The following ACACA variants were observed in gnomAD, a reference collection of about 807,000 sequenced individuals.
ACACA encodes acetyl-CoA carboxylase 1.
Under a neutral mutation model 296.1 loss-of-function variants are expected in ACACA, and 103 were observed. The ratio of observed to expected loss-of-function variants is 0.35; its 90% confidence interval spans 0.30 to 0.41. The LOEUF is 0.41. Ranked by LOEUF, ACACA falls within the 10% of genes least tolerant of loss-of-function variation. ACACA has a pLI of 1.00. For synonymous variants in ACACA, 953 were observed against 1,038.6 expected, an observed-to-expected ratio of 0.92 and a Z score of 1.58; for missense variants, 1,554 against 2,989.7, an observed-to-expected ratio of 0.52 and a Z score of 11.20.
intron 52 of ACACA, among the ~76,000 whole-genome samples, chr17:37,108,122 A>G (rs2073789778): frequency 6.6e-6 from 1 of 152,222 alleles, no homozygotes; most frequent in African/African-American, 2.4e-5. Flanking sequence ...TGATTCAGCA[A>G]TGCAAGACTC....
At chr17:37,373,655 G>A (rs1402845500) in intron 1 of ACACA, among the ~76,000 whole-genome samples, 1 of 152,164 alleles carries the variant, frequency 6.6e-6, no homozygotes, top group African/African-American at 2.4e-5. Context: ...TCTCTTTTGG[G>A]AAAAGTGAGC....
At chr17:37,192,508 T>C (rs531703299) in intron 36 of ACACA, among the ~76,000 whole-genome samples, 1 of 152,318 alleles carries the variant, frequency 6.6e-6, no homozygotes, top group South Asian at 2.1e-4. Context: ...AGGTACTTTA[T>C]AGGATGATAT....
chr17:37,161,801 C>A lies in ACACA; in HGVS notation c.5329G>T (p.Asp1777Tyr). The A allele has an allele frequency of 6.2e-7, 1 of 1,612,552 alleles. No individual in the cohort carries two copies. The highest frequency in any genetic ancestry group is 8.5e-7 in the Non-Finnish European group (1 of 1,179,990). The change falls in exon 42 of 56, where the codon GAT (aspartate) becomes TAT (tyrosine). Residue 1777 changes from aspartate (D) to tyrosine (Y), a missense_variant. Asp to Tyr is a radical substitution (Grantham distance 160). Around this residue, in one of 16 missense-constraint regions of ACACA, gnomAD observed 553 missense variants for 1,043.6 expected, o/e 0.53. Transcript: ENST00000616317. The stretch of plus-strand genomic sequence containing the variant: ...TGTACCTTGTAAGGATCCTCAGGAT[C>A]TACCCAGGCCACATGAAACATATGG... ...IRHMFHVAWV[D>Y]PEDPYKGYRY...
chr17:37,099,536 GC>G (rs1195800087), intron 52 of ACACA, among the ~76,000 whole-genome samples: 1,975 of 148,062 alleles, frequency 0.013, 60 homozygotes, highest in Admixed American at 0.017. Flanking sequence ...TGGGAGGAGG[GC>G]TGATGGCGGG....
intron 3 of ACACA, among the ~76,000 whole-genome samples, chr17:37,315,523 T>A (rs975067055): frequency 1.3e-5 from 2 of 152,204 alleles, no homozygotes; most frequent in African/African-American, 4.8e-5. Context: ...CTACTTCAGA[T>A]ACCAGTTGCA....
At chr17:37,096,969 A>G (rs764504193) in intron 54 of ACACA, 27 bp downstream of exon 54, 2 of 1,613,904 alleles carry the variant, frequency 1.2e-6, no homozygotes, top group South Asian at 1.1e-5. Context: ...CTCAGCAAAA[A>G]GGCTTCTCTT....
At chr17:37,306,978 G>C (rs192916030) in intron 3 of ACACA, among the ~76,000 whole-genome samples, 1 of 152,050 alleles carries the variant, frequency 6.6e-6, no homozygotes, top group Admixed American at 6.5e-5. Flanking sequence ...GATTACAGGC[G>C]TGAGCCACCA....
Position 37,179,385 on chromosome 17 carries a change from A to G in ACACA, c.4954T>C (p.Ser1652Pro), listed in dbSNP as rs748449835. ...GGAAGAAATGCTTGAGTGGACATAG[A>G]CTCCCAGAGTTTGATCAGGGACTAG... ...FRQSLIKLWE[S>P]MSTQAFLPSP... Residue 1652 changes from serine to proline, a missense_variant, in exon 41 of 56, where the codon TCT becomes CCT. Physicochemically the swap from Ser to Pro is moderately conservative, Grantham distance 74. Transcript: ENST00000616317. 6.2e-7 allele frequency: 1 copy of G among 1,614,050 alleles called. No homozygotes were observed. The highest frequency in any genetic ancestry group is 8.5e-7 in the Non-Finnish European group (1 of 1,179,998).
intron 26 of ACACA, among the ~76,000 whole-genome samples, chr17:37,226,007 G>T (rs1306541093): frequency 6.6e-6 from 1 of 152,174 alleles, no homozygotes; most frequent in Non-Finnish European, 1.5e-5. Flanking sequence ...CCTTTGGGAA[G>T]TAAGAAATAC....
chr17:37,136,942 CAA>C (rs769799822), intron 45 of ACACA, among the ~76,000 whole-genome samples: 15 of 117,248 alleles, frequency 1.3e-4, no homozygotes, highest in Non-Finnish European at 1.5e-4. Context: ...GACTCCGTCT[CAA>C]AAAAAAAAAA....
intron 24 of ACACA, among the ~76,000 whole-genome samples, chr17:37,238,321 G>T (rs1367061797): frequency 2.9e-5 from 3 of 104,766 alleles, no homozygotes; most frequent in African/African-American, 7.4e-5. Context: ...CCATTGTGCT[G>T]GTATCATTTA....
At chr17:37,125,894 G>T in intron 47 of ACACA, 100 bp from the exon 48 acceptor site, 1 of 1,099,780 alleles carries the variant, frequency 9.1e-7, no homozygotes, top group African/African-American at 1.6e-5. Flanking sequence ...GATTATTTTG[G>T]GGAGTTTGTT....
chr17:37,117,327 A>G (rs1299278080), intron 50 of ACACA, among the ~76,000 whole-genome samples: 6 of 152,252 alleles, frequency 3.9e-5, no homozygotes, highest in African/African-American at 1.4e-4. Flanking sequence ...CCTAGTAATC[A>G]GAGACTTTAA....
At chr17:37,265,002 A>G (rs979657998) in intron 10 of ACACA, among the ~76,000 whole-genome samples, 2 of 152,100 alleles carry the variant, frequency 1.3e-5, no homozygotes, top group African/African-American at 4.8e-5. Flanking sequence ...AGGTCTAGGG[A>G]GCCTCAGCTG....
At chr17:37,225,210 C>T (rs2079488184) in intron 26 of ACACA, 105 bp from the exon 27 acceptor site, 1 of 729,036 alleles carries the variant, frequency 1.4e-6, no homozygotes, top group East Asian at 2.8e-5. Flanking sequence ...TCTGTAAGTG[C>T]AGGCATCACA....
chr17:37,365,947 T>C (rs551957392), intron 1 of ACACA, among the ~76,000 whole-genome samples: 1 of 152,280 alleles, frequency 6.6e-6, no homozygotes, highest in South Asian at 2.1e-4. Flanking sequence ...ACACCTCCAA[T>C]ATATATGTTT....
In ACACA at chr17:37,235,041, A is replaced by G. The variant is rs754154210; in HGVS notation, c.3180T>C (p.Thr1060=). The stretch of plus-strand genomic sequence containing the variant: ...CGTGAGAGAAGATGTAGTTCAGTAC[A>G]GTGTTCATGTCACTTTTATTCTCTT... ...LREENKSDMN[T]VLNYIFSHAQ... is the part of the protein sequence containing the mutation. Residue 1060 remains threonine, a synonymous_variant, in exon 25 of 56, where the codon ACT becomes ACC. Coordinates refer to ENST00000616317, the MANE Select transcript of ACACA (RefSeq NM_198834.3). 9.9e-6 allele frequency: 16 copies of G among 1,613,874 alleles called. No homozygotes were observed. Among genetic ancestry groups the G allele is most frequent in the Non-Finnish European group, 1.4e-5 (16 of 1,179,894 alleles).
intron 1 of ACACA, among the ~76,000 whole-genome samples, chr17:37,344,634 A>T (rs1359143069): frequency 6.6e-6 from 1 of 152,190 alleles, no homozygotes; most frequent in Non-Finnish European, 1.5e-5. Context: ...AGAAATTAAA[A>T]AGTCTGGGTA....
intron 17 of ACACA, 128 bp from the exon 18 acceptor site, chr17:37,248,284 T>A: frequency 1.5e-5 from 17 of 1,153,452 alleles, no homozygotes; most frequent in Non-Finnish European, 2.0e-5. Flanking sequence ...ACTGATGCTA[T>A]TTGCATCAGT....
Sources: gnomAD v4.1 joint callset for allele counts (sites outside exome capture counted in the v4.1 genomes callset) on GRCh38, gnomAD v4.1.1 for gene constraint, gnomAD v4.1.1 regional missense constraint, MANE v1.5 for transcripts, NCBI Gene and HGNC (gene_info 2026-07-23, HGNC 2026-07-21) for gene names.